The following TMEM117 variants were observed in gnomAD, a reference collection of about 807,000 sequenced individuals.
TMEM117 encodes the protein transmembrane protein 117.
A neutral mutation model predicts 52.4 loss-of-function variants in TMEM117; 27 were observed. The observed-to-expected ratio is 0.51, with a 90% CI of 0.38 to 0.71. The LOEUF (loss-of-function observed/expected upper bound fraction) is 0.71. TMEM117 is among the 30% of genes least tolerant of loss of function. TMEM117 has a pLI of 0.00. For synonymous variants in TMEM117, 215 were observed against 206.3 expected, an observed-to-expected ratio of 1.04 and a Z score of -0.36; for missense variants, 556 against 630.5, an observed-to-expected ratio of 0.88 and a Z score of 1.26.
chr12:44,241,707 G>A (rs907571574), intron 5 of TMEM117, among the ~76,000 whole-genome samples: 3 of 151,208 alleles, frequency 2.0e-5, no homozygotes, highest in African/African-American at 7.2e-5. Context: ...AACATGCCAT[G>A]ATATTTTAAA....
rs1219969079 is a variant in TMEM117 at position 43,877,430 on chromosome 12, T to C, written c.277+32502T>C. On this transcript the variant is annotated intron_variant, in intron 2 of 7. Transcript: ENST00000266534. ...AGGTGGAACACCTGAGGTCAGGAGT[T>C]CGAGACCAGCCTGGCCAACATTGTG... Among the ~76,000 whole-genome samples, 4 of 151,962 alleles carry C rather than the reference T, an allele frequency of 2.6e-5. No individual in the cohort carries two copies. In the East Asian group the frequency reaches 7.7e-4, roughly 29 times the overall value.
chr12:44,241,123 C>G (rs187202310), intron 5 of TMEM117, among the ~76,000 whole-genome samples: 1 of 152,058 alleles, frequency 6.6e-6, no homozygotes, highest in Non-Finnish European at 1.5e-5. Context: ...TGAATCATCT[C>G]TAGATTATGT....
At chr12:43,930,101 C>G (rs1944847724) in intron 2 of TMEM117, among the ~76,000 whole-genome samples, 1 of 152,084 alleles carries the variant, frequency 6.6e-6, no homozygotes, top group African/African-American at 2.4e-5. Flanking sequence ...CTGATTTGTC[C>G]TTACTCCTAT....
chr12:44,287,049 C>CT (rs1017455457), intron 5 of TMEM117, among the ~76,000 whole-genome samples: 5 of 152,108 alleles, frequency 3.3e-5, no homozygotes, highest in African/African-American at 1.2e-4. Context: ...TGCATTCACA[C>CT]TTTTTTAACA....
intron 6 of TMEM117, among the ~76,000 whole-genome samples, chr12:44,307,620 T>C (rs562823049): frequency 1.3e-5 from 2 of 152,330 alleles, no homozygotes; most frequent in South Asian, 2.1e-4. Flanking sequence ...TTACTCTCAC[T>C]TCCCTCATTA....
chr12:44,234,353 G>A (rs1949968753), intron 5 of TMEM117, among the ~76,000 whole-genome samples: 1 of 151,116 alleles, frequency 6.6e-6, no homozygotes, highest in South Asian at 2.1e-4. Context: ...TTCAGCATTT[G>A]TCCAGTTTTT....
chr12:44,016,552 T>C (rs1946376832), intron 3 of TMEM117, among the ~76,000 whole-genome samples: 1 of 152,218 alleles, frequency 6.6e-6, no homozygotes. Flanking sequence ...TTTCACTACG[T>C]AAGTCTACAT....
chr12:44,101,554 C>T (rs527376191), intron 3 of TMEM117, among the ~76,000 whole-genome samples: 18 of 151,980 alleles, frequency 1.2e-4, no homozygotes, highest in Non-Finnish European at 2.2e-4. Context: ...GCATAAGTCT[C>T]TCCCACCTGT....
intron 3 of TMEM117, among the ~76,000 whole-genome samples, chr12:44,016,639 C>G (rs1228962507): frequency 6.6e-6 from 1 of 152,208 alleles, no homozygotes; most frequent in Non-Finnish European, 1.5e-5. Flanking sequence ...TTTCTTGCCA[C>G]ACTTCCCTTT....
chr12:43,800,283 A>G, the TMEM117 span: 1 of 560,292 alleles, frequency 1.8e-6, no homozygotes, highest in African/African-American at 1.9e-5. Flanking sequence ...TATTCATTAC[A>G]GCTAACTTTA....
chr12:44,080,036 G>T (rs914064964), intron 3 of TMEM117, among the ~76,000 whole-genome samples: 2 of 139,114 alleles, frequency 1.4e-5, no homozygotes, highest in Non-Finnish European at 3.1e-5. Context: ...AAAAAAAAAA[G>T]AGTGCATATG....
At chr12:43,936,503 T>G (rs937984701) in intron 2 of TMEM117, among the ~76,000 whole-genome samples, 1 of 151,994 alleles carries the variant, frequency 6.6e-6, no homozygotes, top group Non-Finnish European at 1.5e-5. Flanking sequence ...TATGGGATGT[T>G]GAAACCATGG....
intron 4 of TMEM117, among the ~76,000 whole-genome samples, chr12:44,161,109 ATC>A (rs1396707307): frequency 3.3e-5 from 5 of 152,196 alleles, no homozygotes; most frequent in Non-Finnish European, 4.4e-5. Context: ...ATTGAGTAAC[ATC>A]TCATTTATTT....
chr12:43,813,231 G>GTTTTTTTTTTTTTTTTTT, the TMEM117 span, among the ~76,000 whole-genome samples: 6 of 62,616 alleles, frequency 9.6e-5, 1 homozygote, highest in East Asian at 1.5e-3. Flanking sequence ...GTTTTCTCTT[G>GTTTTTTTTTTTTTTTTTT]TTTTTTTTTT....
chr12:44,242,356 T>C (rs1950073469), intron 5 of TMEM117, among the ~76,000 whole-genome samples: 1 of 151,934 alleles, frequency 6.6e-6, no homozygotes, highest in Non-Finnish European at 1.5e-5. Flanking sequence ...GTTCTTATCA[T>C]TTAGCTCTCA....
At chr12:44,056,319 GCATC>G (rs1315925039) in intron 3 of TMEM117, among the ~76,000 whole-genome samples, 6 of 152,072 alleles carry the variant, frequency 3.9e-5, no homozygotes, top group Admixed American at 1.3e-4. Flanking sequence ...GTTCTTCCCA[GCATC>G]AGAGGATGAG....
At chr12:44,285,435 C>T (rs1950626798) in intron 5 of TMEM117, among the ~76,000 whole-genome samples, 1 of 152,164 alleles carries the variant, frequency 6.6e-6, no homozygotes, top group Admixed American at 6.5e-5. Flanking sequence ...GCTATCTTAA[C>T]AAATGTGTTC....
At chr12:43,846,807 C>G (rs1235284951) in intron 2 of TMEM117, among the ~76,000 whole-genome samples, 1 of 152,088 alleles carries the variant, frequency 6.6e-6, no homozygotes. Context: ...GGGTTAGAAA[C>G]CATGGCAATG....
chr12:43,947,758 A>G (rs1462393944), intron 3 of TMEM117, among the ~76,000 whole-genome samples: 4 of 152,210 alleles, frequency 2.6e-5, no homozygotes, highest in Non-Finnish European at 5.9e-5. Context: ...AATTATTTCC[A>G]AAACAGTTTC....
Sources: gnomAD v4.1 joint callset for allele counts (sites outside exome capture counted in the v4.1 genomes callset) on GRCh38, gnomAD v4.1.1 for gene constraint, MANE v1.5 for transcripts, NCBI Gene and HGNC (gene_info 2026-07-23, HGNC 2026-07-21) for gene names.